The following PLCB4 variants were observed in gnomAD, a reference collection of about 807,000 sequenced individuals.
PLCB4 encodes 1-phosphatidylinositol 4,5-bisphosphate phosphodiesterase beta-4.
In PLCB4, 77 loss-of-function variants were observed where a neutral mutation model predicts 178.8. That is an observed-to-expected ratio of 0.43 (90% CI 0.36 to 0.52). PLCB4 has a LOEUF of 0.52. Among genes scored for constraint, PLCB4 ranks in the 20% least tolerant of loss-of-function variants. The pLI, the probability that PLCB4 is intolerant of heterozygous loss-of-function variation, is 0.00. For missense variants in PLCB4, 1,024 were observed against 1,453.4 expected, an observed-to-expected ratio of 0.70 and a Z score of 4.80; for synonymous variants, 496 against 490.8, an observed-to-expected ratio of 1.01 and a Z score of -0.14.
At chr20:9,234,751 G>C (rs2093974539) in intron 3 of PLCB4, among the ~76,000 whole-genome samples, 1 of 152,042 alleles carries the variant, frequency 6.6e-6, no homozygotes, top group Admixed American at 6.6e-5. Flanking sequence ...TGTTGGATTG[G>C]GGGTAATTTT....
chr20:9,145,645 C>T (rs1338351811), intron 2 of PLCB4, among the ~76,000 whole-genome samples: 4 of 151,944 alleles, frequency 2.6e-5, no homozygotes, highest in African/African-American at 4.8e-5. Flanking sequence ...GCTTCCCATT[C>T]GTTCATTTCA....
Position 9,405,342 on chromosome 20 carries a change from CA to C in PLCB4, c.1646del (p.Lys549ArgfsTer6). The C allele has an allele frequency of 2.6e-6, 4 of 1,533,014 alleles. No homozygotes were observed. The highest frequency in any genetic ancestry group is 1.9e-5 in the Admixed American group (1 of 52,408). The allele number at this position is 1,533,014 out of a possible 1,614,324, so 95.0% of individuals were successfully genotyped here. A position where few individuals can be genotyped will look rare whatever the true frequency, so the allele number is the denominator to read the frequency against. ...ASDDLEHENNKKGLVTVEDEQ... is the reference protein window; with the variant it reads ...ASDDLEHENNXKGLVTVEDEQ... ...CAGATGACCTTGAACATGAAAACAA[CA>C]AAAAGGTAACAAAATAATTCCCTTG... On this transcript the variant is annotated frameshift_variant, in exon 21 of 40. Transcript: ENST00000378473. LOFTEE classifies it high-confidence loss of function.
chr20:9,302,171 T>TA (rs2094712880), intron 3 of PLCB4, among the ~76,000 whole-genome samples: 1 of 144,072 alleles, frequency 6.9e-6, no homozygotes, highest in Non-Finnish European at 1.5e-5. Flanking sequence ...AATCAAAGCC[T>TA]TTTTTTTTTT....
At chr20:9,415,958 G>A (rs916235208) in intron 25 of PLCB4, among the ~76,000 whole-genome samples, 6 of 152,110 alleles carry the variant, frequency 3.9e-5, no homozygotes, top group Admixed American at 1.3e-4. Flanking sequence ...CTCTCAGACC[G>A]CCTTGGACCC....
chr20:9,202,027 A>G (rs1203553859), intron 2 of PLCB4, among the ~76,000 whole-genome samples: 2 of 152,252 alleles, frequency 1.3e-5, no homozygotes, highest in Admixed American at 6.5e-5. Context: ...TGGCATATCC[A>G]TACAATAAAA....
At chr20:9,077,421 C>A (rs1193629841) in intron 1 of PLCB4, among the ~76,000 whole-genome samples, 1 of 152,164 alleles carries the variant, frequency 6.6e-6, no homozygotes, top group African/African-American at 2.4e-5. Flanking sequence ...TCTGATTATG[C>A]AGCTGAACAT....
chr20:9,086,777 G>A lies in PLCB4; in HGVS notation c.-134-9510G>A, dbSNP rs530693993. Among the ~76,000 whole-genome samples, 43 of 151,814 alleles carry A rather than the reference G, an allele frequency of 2.8e-4. 1 individual carries two copies. The highest frequency in any genetic ancestry group is 5.8e-4 in the East Asian group (3 of 5,174). ...GCACCGATCATAGGGAAAAGGTTTC[G>A]AAAAGGAAATTGGGAGAAGTGACTT... On this transcript the variant is annotated intron_variant, in intron 1 of 39. Transcript: ENST00000378473.
At chr20:9,218,914 T>C (rs993600586) in intron 3 of PLCB4, among the ~76,000 whole-genome samples, 1 of 152,204 alleles carries the variant, frequency 6.6e-6, no homozygotes, top group East Asian at 1.9e-4. Context: ...GGACACATCA[T>C]CTGCTTTTCA....
At chr20:9,326,357 A>G (rs562268917) in intron 4 of PLCB4, among the ~76,000 whole-genome samples, 5 of 152,280 alleles carry the variant, frequency 3.3e-5, no homozygotes, top group Admixed American at 2.6e-4. Context: ...ATAAAATGAA[A>G]GGGGTGGATT....
chr20:9,408,662 T>G lies in PLCB4; in HGVS notation c.1819T>G (p.Phe607Val), dbSNP rs1568761225. The G allele has an allele frequency of 6.3e-7, 1 of 1,587,844 alleles. No individual in the cohort carries two copies. Among genetic ancestry groups the G allele is most frequent in the Non-Finnish European group, 8.6e-7 (1 of 1,156,448 alleles). ...ERNIHYNMSS[F>V]NESVGLGYLK... ...CAATATTCATTATAACATGTCTTCT[T>G]TTAATGAATCAGTCGGTCTTGGCTA... Residue 607 changes from phenylalanine to valine, a missense_variant, in exon 23 of 40, where the codon TTT becomes GTT. This residue lies in a region of PLCB4 where 263 missense variants were observed against 417.4 expected (regional missense o/e 0.63). Coordinates refer to ENST00000378473, the MANE Select transcript of PLCB4 (RefSeq NM_001377142.1).
At chr20:9,068,890 C>T (rs2089411664), upstream of PLCB4, 1 of 151,158 alleles carries the variant, frequency 6.6e-6, no homozygotes, top group African/African-American at 2.4e-5. Flanking sequence ...CGGAGACCCC[C>T]GCCCTCAACT....
chr20:9,270,623 A>G (rs555873568), intron 3 of PLCB4, among the ~76,000 whole-genome samples: 65 of 152,266 alleles, frequency 4.3e-4, no homozygotes, highest in Non-Finnish European at 8.8e-4. Context: ...AAAAAATAAC[A>G]TGGATATTAT....
At chr20:9,297,522 A>T (rs1004736192) in intron 3 of PLCB4, among the ~76,000 whole-genome samples, 9 of 152,204 alleles carry the variant, frequency 5.9e-5, no homozygotes, top group African/African-American at 1.9e-4. Flanking sequence ...ATTGAAATTT[A>T]AAAAAGATTA....
intron 14 of PLCB4, among the ~76,000 whole-genome samples, chr20:9,385,986 A>G (rs1036736260): frequency 6.6e-6 from 1 of 152,010 alleles, no homozygotes; most frequent in Admixed American, 6.6e-5. Flanking sequence ...AGTGAGCGAG[A>G]CTCCGTCTGC....
chr20:9,463,139 A>ACC (rs1312188501), intron 35 of PLCB4, among the ~76,000 whole-genome samples: 2 of 152,208 alleles, frequency 1.3e-5, no homozygotes, highest in Non-Finnish European at 2.9e-5. Context: ...AGGATTTTCA[A>ACC]CCCAGAATTT....
At position 9,393,465 on chromosome 20, in the gene PLCB4, C is replaced by T. The variant is rs1478430793; in HGVS notation, c.1324-123C>T. On this transcript the variant is annotated intron_variant, in intron 17 of 39. Transcript: ENST00000378473. ...GGGGAGTGAAAACAGAAGGCTGTGC[C>T]GCCTGCCATCTAGTGGGTGTTGGGT... 4.3e-5 allele frequency: 27 copies of T among 621,956 alleles called. 1 individual carries two copies. Among genetic ancestry groups the T allele is most frequent in the Middle Eastern group, 3.1e-4 (1 of 3,206 alleles). The allele number at this position is 621,956 out of a possible 1,614,324, so 38.5% of individuals were successfully genotyped here. A position where few individuals can be genotyped will look rare whatever the true frequency, so the allele number is the denominator to read the frequency against.
rs542745144 is a variant in PLCB4, at chr20:9,311,441, G to A, written c.84+3543G>A. On this transcript the variant is annotated intron_variant, in intron 4 of 39. Coordinates refer to ENST00000378473, the MANE Select transcript of PLCB4 (RefSeq NM_001377142.1). Reference sequence around the variant, plus strand: ...CAAGACAACTTTAAGATTAAAAATCGGAGATCATGCTGAATAAGTTTCATT... The same window carrying A: ...CAAGACAACTTTAAGATTAAAAATCAGAGATCATGCTGAATAAGTTTCATT... 7.9e-5 allele frequency among the ~76,000 whole-genome samples: 12 copies of A among 152,188 alleles called. No individual in the cohort carries two copies. In the South Asian group the frequency reaches 1.5e-3, roughly 18 times the overall value.
intron 28 of PLCB4, among the ~76,000 whole-genome samples, chr20:9,432,257 T>TG (rs1333433568): frequency 1.6e-4 from 24 of 152,334 alleles, no homozygotes; most frequent in African/African-American, 5.8e-4. Flanking sequence ...TTTAATATCT[T>TG]GCTTTATTGA....
chr20:9,093,068 A>G (rs1408924295), intron 1 of PLCB4, among the ~76,000 whole-genome samples: 2 of 152,206 alleles, frequency 1.3e-5, no homozygotes, highest in African/African-American at 4.8e-5. Context: ...TAAGTATTAG[A>G]TGCTACTTCA....
Sources: gnomAD v4.1 joint callset for allele counts (sites outside exome capture counted in the v4.1 genomes callset) on GRCh38, gnomAD v4.1.1 for gene constraint, gnomAD v4.1.1 regional missense constraint, MANE v1.5 for transcripts, NCBI Gene and HGNC (gene_info 2026-07-23, HGNC 2026-07-21) for gene names.